The following CCDC171 variants were observed in gnomAD, a reference collection of about 807,000 sequenced individuals.
CCDC171 encodes the protein coiled-coil domain containing 171, also known as coiled-coil domain-containing protein 171.
CCDC171 carries 177 observed loss-of-function variants against 168.2 expected under a neutral mutation model. That is an observed-to-expected ratio of 1.05 (90% confidence interval 0.93 to 1.19). The LOEUF (loss-of-function observed/expected upper bound fraction) is 1.19. Ranked by LOEUF, CCDC171 falls within the 50% of genes most tolerant of loss-of-function variation. The pLI is 0.00. For missense variants in CCDC171, 1,991 were observed against 1,539.0 expected (o/e 1.29, Z -4.91); for synonymous variants, 687 against 540.8 (o/e 1.27, Z -3.75).
rs145751649 is a variant in CCDC171 at position 16,044,626 on chromosome 9, C to G, written n.89+1740C>G. ...CTGTAGGCAGATGTAATCCCCTGGC[C>G]GTGACACAGGCAAAAATTTCCCTTC... On this transcript the variant is annotated intron_variant and non_coding_transcript_variant, in intron 1 of 1. Transcript: ENST00000478913. Among the ~76,000 whole-genome samples, 267 of 151,852 alleles carry G rather than the reference C, an allele frequency of 1.8e-3. 4 individuals carry two copies. The highest frequency in any genetic ancestry group is 3.2e-3 in the Non-Finnish European group (219 of 67,956).
At chr9:16,097,202 C>G in the CCDC171 span, among the ~76,000 whole-genome samples, 25,930 of 152,030 alleles carry the variant, frequency 0.17, 2,332 homozygotes, top group South Asian at 0.2. Flanking sequence ...TAAAACCATA[C>G]AAGCCAGTCC....
chr9:15,575,869 A>C (rs1333535825), intron 3 of CCDC171, among the ~76,000 whole-genome samples: 1 of 152,122 alleles, frequency 6.6e-6, no homozygotes, highest in Non-Finnish European at 1.5e-5. Flanking sequence ...AGGTGGGCAA[A>C]TCACTTGAGG....
chr9:15,974,735 A>G (rs1831569287), downstream of CCDC171, among the ~76,000 whole-genome samples: 1 of 152,234 alleles, frequency 6.6e-6, no homozygotes, highest in South Asian at 2.1e-4. Flanking sequence ...CCTTTTAAAT[A>G]GAATGATCAC....
intron 7 of CCDC171, 62 bp downstream of exon 7, chr9:15,623,475 G>GCGCACGCGCGCACACACACACA: frequency 6.3e-6 from 2 of 315,478 alleles, no homozygotes; most frequent in East Asian, 7.9e-5. Flanking sequence ...GCGCGCGCGC[G>GCGCACGCGCGCACACACACACA]CACACACACA....
downstream of CCDC171, among the ~76,000 whole-genome samples, chr9:15,978,711 T>C (rs1230570647): frequency 6.6e-6 from 1 of 152,198 alleles, no homozygotes; most frequent in Non-Finnish European, 1.5e-5. Context: ...CACATACATA[T>C]ATATTTTTTA....
In CCDC171 at chr9:15,807,847, C is replaced by G. The variant is rs2059150232; in HGVS notation, c.3267+23153C>G. ...CACCGGAGCAAGATTGCCGTTTCTG[C>G]TTGGAATCTTCCTTCTTGCTCCATG... On this transcript the variant is annotated intron_variant, in intron 21 of 25. Coordinates refer to ENST00000380701, the MANE Select transcript of CCDC171 (RefSeq NM_173550.4). 3.3e-5 allele frequency among the ~76,000 whole-genome samples: 5 copies of G among 151,048 alleles called. No homozygotes were observed. The South Asian group carries it at 1.1e-3, about 32-fold the overall frequency.
At chr9:15,734,460 C>A (rs527899154) in intron 16 of CCDC171, among the ~76,000 whole-genome samples, 1 of 152,222 alleles carries the variant, frequency 6.6e-6, no homozygotes, top group Non-Finnish European at 1.5e-5. Flanking sequence ...ATCACTTGAA[C>A]CCAGGAGGCA....
the CCDC171 span, among the ~76,000 whole-genome samples, chr9:16,077,960 C>G: frequency 6.6e-6 from 1 of 151,782 alleles, no homozygotes; most frequent in Admixed American, 6.6e-5. Context: ...TGAATAAAAC[C>G]TAATATACAT....
At chr9:16,002,066 A>G (rs2987039) in intron 3 of CCDC171, among the ~76,000 whole-genome samples, 1 of 149,974 alleles carries the variant, frequency 6.7e-6, no homozygotes, top group Admixed American at 6.6e-5. Context: ...TGACTCAAGC[A>G]ATCCTCCCAC....
chr9:15,797,746 A>C (rs941500801), intron 21 of CCDC171, among the ~76,000 whole-genome samples: 1 of 152,128 alleles, frequency 6.6e-6, no homozygotes, highest in East Asian at 1.9e-4. Flanking sequence ...ATTTCATCTA[A>C]GAAATGTTTG....
Position 15,971,740 on chromosome 9 carries a change from A to G in CCDC171, c.3885A>G (p.Thr1295=), listed in dbSNP as rs1198399773. The change falls in exon 26 of 26, where the codon ACA becomes ACG. Residue 1295 remains threonine, a synonymous_variant. Coordinates refer to ENST00000380701, the MANE Select transcript of CCDC171 (RefSeq NM_173550.4). The part of the protein sequence containing the change: ...LDTTYTFLKE[T]FINTVPHALT... ...CTACTTACACTTTCTTAAAGGAGAC[A>G]TTTATAAATACTGTGCCCCATGCTC... 3.1e-6 allele frequency: 5 copies of G among 1,613,844 alleles called. No individual in the cohort carries two copies. Among genetic ancestry groups the G allele is most frequent in the Middle Eastern group, 1.6e-4 (1 of 6,082 alleles).
At chr9:16,051,431 A>G (rs1436655759) in intron 1 of CCDC171, among the ~76,000 whole-genome samples, 1 of 152,108 alleles carries the variant, frequency 6.6e-6, no homozygotes, top group Non-Finnish European at 1.5e-5. Context: ...TCCTCTGGTC[A>G]CCAAGGCCTG....
At chr9:15,892,386 A>T (rs946099699) in intron 24 of CCDC171, among the ~76,000 whole-genome samples, 47 of 152,182 alleles carry the variant, frequency 3.1e-4, no homozygotes, top group African/African-American at 1.1e-3. Flanking sequence ...TTCAATACCT[A>T]GTTTATTGTG....
chr9:15,795,511 A>G (rs2058506446), intron 21 of CCDC171, among the ~76,000 whole-genome samples: 1 of 152,214 alleles, frequency 6.6e-6, no homozygotes, highest in African/African-American at 2.4e-5. Flanking sequence ...TTCAAGAAAT[A>G]AAGAGGACCA....
chr9:15,571,822 A>G (rs1301386999), intron 3 of CCDC171, 63 bp downstream of exon 3: 32 of 1,444,318 alleles, frequency 2.2e-5, no homozygotes, highest in Non-Finnish European at 2.7e-5. Flanking sequence ...GATTTATTTC[A>G]TATGAAAAAC....
chr9:15,814,480 A>G (rs2059484032), intron 21 of CCDC171, among the ~76,000 whole-genome samples: 1 of 152,168 alleles, frequency 6.6e-6, no homozygotes. Context: ...AGAAACTGTT[A>G]CTTCCTTGAA....
intron 6 of CCDC171, among the ~76,000 whole-genome samples, chr9:15,611,017 G>A (rs748523777): frequency 2.0e-5 from 3 of 152,084 alleles, no homozygotes; most frequent in Non-Finnish European, 4.4e-5. Context: ...AGATCATGGG[G>A]GCAGATTTCT....
intron 3 of CCDC171, 127 bp downstream of exon 3, chr9:15,571,886 A>T: frequency 1.3e-6 from 1 of 743,724 alleles, no homozygotes; most frequent in Non-Finnish European, 2.1e-6. Context: ...AGGAAATTGT[A>T]ATAAAGGAAA....
chr9:16,087,119 T>C, the CCDC171 span, among the ~76,000 whole-genome samples: 1 of 152,296 alleles, frequency 6.6e-6, no homozygotes, highest in East Asian at 1.9e-4. Context: ...TTCCATTCTT[T>C]TGCATTTGCT....
Sources: allele counts gnomAD v4.1 joint callset (sites outside exome capture counted in the v4.1 genomes callset), GRCh38; gene constraint gnomAD v4.1.1; transcripts MANE v1.5; gene names NCBI Gene and HGNC (gene_info 2026-07-23, HGNC 2026-07-21).